The following SPATA22 variants were observed in gnomAD, a reference collection of about 807,000 sequenced individuals.
SPATA22 encodes spermatogenesis associated 22.
SPATA22 carries 29 observed loss-of-function variants against 47.8 expected under a neutral mutation model. The ratio of observed to expected loss-of-function variants is 0.61; its 90% CI spans 0.45 to 0.83. The LOEUF (loss-of-function observed/expected upper bound fraction) is 0.83, where lower values mean the gene tolerates loss of function less well. Ranked by LOEUF, SPATA22 falls within the 40% of genes least tolerant of loss-of-function variation. The pLI is 0.00. For synonymous variants in SPATA22, 133 were observed against 140.9 expected, an observed-to-expected ratio of 0.94 and a Z score of 0.40; for missense variants, 410 against 421.7, an observed-to-expected ratio of 0.97 and a Z score of 0.24.
chr17:3,502,655 C>A (rs1021010001), intron 1 of SPATA22: 2 of 152,198 alleles, frequency 1.3e-5, no homozygotes, highest in African/African-American at 4.8e-5. Context: ...AAACAGTAAC[C>A]CACACAGCAT....
At chr17:3,477,096 A>G (rs2073537234) in intron 1 of SPATA22, among the ~76,000 whole-genome samples, 2 of 152,044 alleles carry the variant, frequency 1.3e-5, no homozygotes. Context: ...CGGAGCTTGC[A>G]GTGAGCCAAG....
At chr17:3,466,021 G>T (rs1484424765) in intron 3 of SPATA22, among the ~76,000 whole-genome samples, 16 of 151,714 alleles carry the variant, frequency 1.1e-4, no homozygotes, top group Non-Finnish European at 1.9e-4. Flanking sequence ...TAAATGCCCA[G>T]TTGTGCATAT....
chr17:3,456,455 G>T (rs1268739681), intron 5 of SPATA22, among the ~76,000 whole-genome samples: 2 of 145,596 alleles, frequency 1.4e-5, no homozygotes, highest in African/African-American at 5.1e-5. Flanking sequence ...TAGAAGAAAT[G>T]GATAAATTCC....
chr17:3,457,504 A>G (rs562388281), intron 5 of SPATA22, among the ~76,000 whole-genome samples: 26 of 142,230 alleles, frequency 1.8e-4, no homozygotes, highest in African/African-American at 6.2e-4. Flanking sequence ...ATGGAACCAC[A>G]AAAGACTCTG....
In SPATA22 at chr17:3,469,547, C is replaced by A; in HGVS notation, c.-73-149G>T. 4 of 482,348 alleles carry A rather than the reference C, an allele frequency of 8.3e-6. No individual in the cohort carries two copies. The South Asian group carries it at 1.3e-4, about 15-fold the overall frequency. The allele number at this position is 482,348 out of a possible 1,614,324, so 29.9% of individuals were successfully genotyped here. ...GTCCTTTGCTTTCTAAGAGTTTACA[C>A]CATAATCCACTTTTCCAACCCTGTT... On this transcript the variant is annotated intron_variant, in intron 1 of 8. Transcript: ENST00000572969.
At chr17:3,491,316 T>G (rs1323967875) in intron 1 of SPATA22, among the ~76,000 whole-genome samples, 1 of 152,020 alleles carries the variant, frequency 6.6e-6, no homozygotes, top group Non-Finnish European at 1.5e-5. Context: ...GGTAATGGTC[T>G]TTTTTTTCTG....
At chr17:3,513,770 C>G (rs2074143989) in exon 1 of SPATA22, 2 of 625,322 alleles carry the variant, frequency 3.2e-6, no homozygotes. Flanking sequence ...GTTCAGACAC[C>G]CACTGAGCAC....
intron 1 of SPATA22, chr17:3,513,030 CGCG>C (rs1355816568): frequency 6.6e-6 from 1 of 152,266 alleles, no homozygotes; most frequent in Non-Finnish European, 1.5e-5. Context: ...TCACCCAGAT[CGCG>C]GCGGCCCAGC....
At chr17:3,499,263 C>A in intron 1 of SPATA22, 1 of 550,746 alleles carries the variant, frequency 1.8e-6, no homozygotes, top group Non-Finnish European at 3.1e-6. Flanking sequence ...TTAAAGATAT[C>A]ATATTTTATG....
At chr17:3,464,303 G>A (rs2073216376) in intron 3 of SPATA22, among the ~76,000 whole-genome samples, 1 of 151,318 alleles carries the variant, frequency 6.6e-6, no homozygotes, top group South Asian at 2.1e-4. Context: ...CCAGGCTGGA[G>A]TGCAGTGGCG....
chr17:3,503,456 G>A (rs1306091265), intron 1 of SPATA22: 1 of 152,114 alleles, frequency 6.6e-6, no homozygotes, highest in Admixed American at 6.5e-5. Context: ...GATTTACCAA[G>A]CTTCCTTCTC....
chr17:3,473,776 G>T (rs2073483254), upstream of SPATA22, among the ~76,000 whole-genome samples: 1 of 152,106 alleles, frequency 6.6e-6, no homozygotes, highest in Non-Finnish European at 1.5e-5. Context: ...GGGATTACAA[G>T]CATGAGACCA....
At chr17:3,482,709 C>T (rs1299588491) in intron 1 of SPATA22, among the ~76,000 whole-genome samples, 2 of 151,986 alleles carry the variant, frequency 1.3e-5, no homozygotes, top group African/African-American at 4.8e-5. Context: ...TTTTGTTTCC[C>T]TTCAGTTTTG....
Position 3,465,118 on chromosome 17 carries a change from G to A in SPATA22, c.172+2308C>T, listed in dbSNP as rs1227711532. On this transcript the variant is annotated intron_variant, in intron 3 of 8. Transcript: ENST00000572969. Reference sequence around the variant, plus strand: ...CCACCCCGTCTGGGAAGTGAGGAGCGTCTCCGCCCGGCAGCCACCCCGTCC... The same window carrying A: ...CCACCCCGTCTGGGAAGTGAGGAGCATCTCCGCCCGGCAGCCACCCCGTCC... Among the ~76,000 whole-genome samples, 75 of 122,604 alleles carry A rather than the reference G, an allele frequency of 6.1e-4. 7 individuals are homozygous for A. Among genetic ancestry groups the A allele is most frequent in the African/African-American group, 2.1e-3 (68 of 31,874 alleles). The allele number at this position is 122,604 out of a possible 152,430, so 80.4% of individuals were successfully genotyped here.
intron 1 of SPATA22, chr17:3,501,824 G>C (rs914934999): frequency 4.6e-5 from 7 of 152,248 alleles, no homozygotes; most frequent in African/African-American, 1.7e-4. Flanking sequence ...GTGGTGGCAC[G>C]TGCCTGTAGT....
intron 7 of SPATA22, among the ~76,000 whole-genome samples, chr17:3,443,473 CAACTTAGG>C (rs1333705015): frequency 6.6e-6 from 1 of 151,900 alleles, no homozygotes; most frequent in Non-Finnish European, 1.5e-5. Flanking sequence ...TGACTCTCTC[CAACTTAGG>C]AACAGATTAT....
chr17:3,446,735 T>C (rs2072735572), intron 6 of SPATA22, 134 bp from the exon 7 acceptor site: 4 of 700,778 alleles, frequency 5.7e-6, no homozygotes, highest in Non-Finnish European at 9.1e-6. Flanking sequence ...AATTTTAGTA[T>C]AGTTACTTCC....
intron 1 of SPATA22, chr17:3,489,198 C>A: frequency 8.3e-7 from 1 of 1,207,504 alleles, no homozygotes; most frequent in African/African-American, 1.5e-5. Context: ...TATTTTCATA[C>A]TTATATAAAT....
chr17:3,494,121 G>C (rs1301652148), intron 1 of SPATA22, among the ~76,000 whole-genome samples: 1 of 150,770 alleles, frequency 6.6e-6, no homozygotes, highest in Non-Finnish European at 1.5e-5. Context: ...CACCTCCCAG[G>C]TTCAAGAGAT....
Sources: gnomAD v4.1 joint callset for allele counts (sites outside exome capture counted in the v4.1 genomes callset) on GRCh38, gnomAD v4.1.1 for gene constraint, MANE v1.5 for transcripts, NCBI Gene and HGNC (gene_info 2026-07-23, HGNC 2026-07-21) for gene names.